Variants in FARP1 observed in about 807,000 individuals in gnomAD.
The protein encoded by FARP1 is FERM, ARHGEF and pleckstrin domain-containing protein 1.
FARP1 carries 52 observed loss-of-function variants against 128.8 expected under a neutral mutation model. That is an observed-to-expected ratio of 0.40 (90% CI 0.32 to 0.51). The LOEUF (loss-of-function observed/expected upper bound fraction) is 0.51. Among genes scored for constraint, FARP1 ranks in the 20% least tolerant of loss-of-function variants. The probability of loss-of-function intolerance (pLI) is 0.45; values close to 1 mark genes in which losing one functional copy is unlikely to be tolerated. For synonymous variants in FARP1, 580 were observed against 551.8 expected, an observed-to-expected ratio of 1.05 and a Z score of -0.72; for missense variants, 1,333 against 1,367.9, an observed-to-expected ratio of 0.97 and a Z score of 0.40.
intron 23 of FARP1, among the ~76,000 whole-genome samples, 180 bp from the exon 24 acceptor site, chr13:98,440,490 G>A (rs554842912): frequency 4.7e-4 from 71 of 152,288 alleles, no homozygotes; most frequent in African/African-American, 1.6e-3. Flanking sequence ...TTACACACCC[G>A]GGAGGGGCTG....
intron 10 of FARP1, among the ~76,000 whole-genome samples, chr13:98,390,411 G>A (rs544770007): frequency 6.6e-6 from 1 of 152,338 alleles, no homozygotes; most frequent in Admixed American, 6.5e-5. Flanking sequence ...TTGCTTCATA[G>A]AATATGTGGA....
At chr13:98,220,872 ACC>A (rs919002440) in intron 2 of FARP1, among the ~76,000 whole-genome samples, 2 of 152,248 alleles carry the variant, frequency 1.3e-5, no homozygotes, top group African/African-American at 4.8e-5. Context: ...GAAAAAAAAA[ACC>A]AGTATAACCT....
chr13:98,359,654 G>C (rs749978591), intron 3 of FARP1, among the ~76,000 whole-genome samples: 70 of 152,302 alleles, frequency 4.6e-4, no homozygotes, highest in African/African-American at 1.7e-3. Flanking sequence ...TACCTTTTCT[G>C]TGTTTAGATG....
At chr13:98,244,646 A>C in intron 2 of FARP1, 1 of 1,614,230 alleles carries the variant, frequency 6.2e-7, no homozygotes, top group Admixed American at 1.7e-5. Flanking sequence ...TTTCTTACAC[A>C]AACTGGGCTG....
chr13:98,385,588 A>C, intron 7 of FARP1, 79 bp from the exon 8 acceptor site: 17 of 1,478,200 alleles, frequency 1.2e-5, no homozygotes, highest in Non-Finnish European at 1.6e-5. Context: ...ATTTCCCAGG[A>C]GAAGCTTCTT....
intron 2 of FARP1, among the ~76,000 whole-genome samples, chr13:98,298,885 T>G (rs953784032): frequency 1.3e-5 from 2 of 152,192 alleles, no homozygotes; most frequent in African/African-American, 4.8e-5. Context: ...GCTTTAGGAA[T>G]GTATTTGGTC....
intron 1 of FARP1, among the ~76,000 whole-genome samples, chr13:98,207,908 C>CCCCACACACACACACACA (rs1555327643): frequency 1.4e-5 from 1 of 71,574 alleles, no homozygotes; most frequent in African/African-American, 6.1e-5. Context: ...ACCACCACCT[C>CCCCACACACACACACACA]CACACACACA....
At chr13:98,152,376 G>A (rs1471745574) in intron 1 of FARP1, among the ~76,000 whole-genome samples, 1 of 152,134 alleles carries the variant, frequency 6.6e-6, no homozygotes, top group Non-Finnish European at 1.5e-5. Context: ...TCCAGCATCT[G>A]GGAGGTCTTT....
chr13:98,233,680 T>C (rs1327308019), intron 2 of FARP1: 1 of 152,206 alleles, frequency 6.6e-6, no homozygotes, highest in Non-Finnish European at 1.5e-5. Context: ...ACTGCTCAAT[T>C]CAATTCAGAA....
intron 18 of FARP1, chr13:98,432,595 A>C (rs1368756988): frequency 6.6e-6 from 1 of 152,246 alleles, no homozygotes; most frequent in Non-Finnish European, 1.5e-5. Context: ...TCCTTGCCTG[A>C]AATGTCAGAA....
chr13:98,390,500 C>G (rs1890264971), intron 10 of FARP1: 1 of 441,154 alleles, frequency 2.3e-6, no homozygotes, highest in Admixed American at 3.9e-5. Context: ...GTTCCAGGCA[C>G]TGAGCCCAGT....
At chr13:98,442,215 A>G (rs750291273) in intron 24 of FARP1, among the ~76,000 whole-genome samples, 11 of 152,222 alleles carry the variant, frequency 7.2e-5, no homozygotes, top group African/African-American at 1.2e-4. Flanking sequence ...CCTGGTCCAA[A>G]GAGTGTCACA....
At chr13:98,306,565 A>G (rs1393092589) in intron 2 of FARP1, among the ~76,000 whole-genome samples, 1 of 151,476 alleles carries the variant, frequency 6.6e-6, no homozygotes, top group Non-Finnish European at 1.5e-5. Flanking sequence ...CCCAGGCTGG[A>G]GTGCAGTCGT....
chr13:98,387,219 T>G (rs991383084), intron 8 of FARP1, among the ~76,000 whole-genome samples: 1 of 152,116 alleles, frequency 6.6e-6, no homozygotes, highest in Non-Finnish European at 1.5e-5. Flanking sequence ...GAGAATCGCT[T>G]GAATTTGGGA....
At chr13:98,413,524 GT>G (rs1466821388) in intron 16 of FARP1, among the ~76,000 whole-genome samples, 9 of 152,048 alleles carry the variant, frequency 5.9e-5, no homozygotes, top group African/African-American at 1.9e-4. Context: ...GCCAGGCATA[GT>G]GATGCAAACA....
At chr13:98,327,251 C>T (rs551478266) in intron 2 of FARP1, among the ~76,000 whole-genome samples, 11 of 152,280 alleles carry the variant, frequency 7.2e-5, no homozygotes, top group Admixed American at 2.6e-4. Flanking sequence ...GGTATTAGGT[C>T]ACTGTAGGCT....
At chr13:98,257,797 C>T (rs1883681393) in intron 2 of FARP1, among the ~76,000 whole-genome samples, 1 of 152,020 alleles carries the variant, frequency 6.6e-6, no homozygotes, top group Non-Finnish European at 1.5e-5. Flanking sequence ...AAAGTAGGAC[C>T]CTCATTGATG....
intron 1 of FARP1, among the ~76,000 whole-genome samples, chr13:98,199,847 A>G (rs1594260550): frequency 6.6e-6 from 1 of 152,290 alleles, no homozygotes; most frequent in South Asian, 2.1e-4. Flanking sequence ...AGGTAGAATG[A>G]GGGGTGAGCT....
At chr13:98,276,215 A>G (rs192120631) in intron 2 of FARP1, among the ~76,000 whole-genome samples, 1 of 152,340 alleles carries the variant, frequency 6.6e-6, no homozygotes, top group Admixed American at 6.5e-5. Flanking sequence ...ATGAGGAAGC[A>G]AGATGCTAAG....
Sources: allele counts gnomAD v4.1 joint callset (sites outside exome capture counted in the v4.1 genomes callset), GRCh38; gene constraint gnomAD v4.1.1; transcripts MANE v1.5; gene names NCBI Gene and HGNC (gene_info 2026-07-23, HGNC 2026-07-21).